The following DLEC1 variants were observed in gnomAD, a reference collection of about 807,000 sequenced individuals.
DLEC1 encodes the protein DLEC1 cilia and flagella associated protein.
Under a neutral mutation model 198.1 loss-of-function variants are expected in DLEC1, and 146 were observed. The observed-to-expected ratio is 0.74, with a 90% CI of 0.64 to 0.85. The LOEUF is 0.85. Among genes scored for constraint, DLEC1 ranks in the 40% least tolerant of loss-of-function variants. The probability of loss-of-function intolerance (pLI) is 0.00; values close to 1 mark genes in which losing one functional copy is unlikely to be tolerated. For missense variants in DLEC1, 2,233 were observed against 2,220.0 expected, an observed-to-expected ratio of 1.01 and a Z score of -0.12; for synonymous variants, 897 against 866.8, an observed-to-expected ratio of 1.03 and a Z score of -0.61.
chr3:38,104,787 C>A (rs1699485269), intron 19 of DLEC1, among the ~76,000 whole-genome samples: 1 of 152,066 alleles, frequency 6.6e-6, no homozygotes, highest in South Asian at 2.1e-4. Context: ...TTTTCTATTT[C>A]ATTTATCTCT....
intron 6 of DLEC1, among the ~76,000 whole-genome samples, chr3:38,080,604 T>C (rs1167653852): frequency 6.6e-6 from 1 of 152,090 alleles, no homozygotes; most frequent in South Asian, 2.1e-4. Context: ...GAGTTTGTAT[T>C]GGGGCCAAGC....
chr3:38,052,853 T>C (rs1701193811), intron 2 of DLEC1, among the ~76,000 whole-genome samples: 1 of 152,152 alleles, frequency 6.6e-6, no homozygotes, highest in East Asian at 1.9e-4. Flanking sequence ...GAGGCTGGAC[T>C]GTACTGCCGC....
At chr3:38,106,982 CAG>C (rs946492912) in intron 19 of DLEC1, among the ~76,000 whole-genome samples, 17 of 152,108 alleles carry the variant, frequency 1.1e-4, no homozygotes, top group African/African-American at 3.9e-4. Flanking sequence ...TTAGATCTAT[CAG>C]AGAGTTGAGG....
chr3:38,086,406 A>G (rs372521351), intron 9 of DLEC1, 29 bp downstream of exon 9: 1 of 1,582,246 alleles, frequency 6.3e-7, no homozygotes. Flanking sequence ...CTAACTGGAA[A>G]AATTACAAGT....
rs1373792791 is a variant in DLEC1 at position 38,123,019 on chromosome 3, G to T, written c.*607G>T. ...TGCTGCTAGAGCAGCAGGACTGTCT[G>T]CGTAGCGCCTCCAGCCTGGGACCTC... On this transcript the variant is annotated 3_prime_UTR_variant, in exon 37 of 37. Coordinates refer to ENST00000308059, the MANE Select transcript of DLEC1 (RefSeq NM_007335.4). The T allele has an allele frequency of 2.5e-6, 4 of 1,611,542 alleles. No individual in the cohort carries two copies. Among genetic ancestry groups the T allele is most frequent in the Non-Finnish European group, 3.4e-6 (4 of 1,178,144 alleles).
At chr3:38,055,866 G>GA (rs369571331) in intron 2 of DLEC1, among the ~76,000 whole-genome samples, 3,435 of 148,368 alleles carry the variant, frequency 0.023, 130 homozygotes, top group African/African-American at 0.079. Context: ...GCATCTTCAT[G>GA]GCTCTGGAGA....
chr3:38,096,043 C>A, intron 14 of DLEC1, 97 bp downstream of exon 14: 2 of 1,439,190 alleles, frequency 1.4e-6, no homozygotes, highest in Non-Finnish European at 1.9e-6. Flanking sequence ...GGGGAGTGGG[C>A]AGCCTGGTCC....
rs1219600046 is a variant in DLEC1, at chr3:38,115,920, C to T, written c.3857-533C>T. The stretch of plus-strand genomic sequence containing the variant: ...GGCAATCTGTTCAGCTGGGGGACTT[C>T]CCCCAGTGGTACTCAGAGGGACGGC... On this transcript the variant is annotated intron_variant, in intron 27 of 36. Coordinates refer to ENST00000308059, the MANE Select transcript of DLEC1 (RefSeq NM_007335.4). Among the ~76,000 whole-genome samples the T allele has an allele frequency of 3.9e-5, 6 of 152,134 alleles. No individual in the cohort carries two copies. The East Asian group carries it at 1.2e-3, about 29-fold the overall frequency.
chr3:38,073,604 A>C (rs1450797441), intron 6 of DLEC1, among the ~76,000 whole-genome samples: 1 of 152,194 alleles, frequency 6.6e-6, no homozygotes, highest in African/African-American at 2.4e-5. Context: ...TCAGGGAAGC[A>C]GATAATTTGG....
At chr3:38,092,959 G>A (rs1321499684) in intron 11 of DLEC1, 79 bp downstream of exon 11, 8 of 1,337,186 alleles carry the variant, frequency 6.0e-6, no homozygotes, top group Admixed American at 1.7e-5. Context: ...AGTAGCATTA[G>A]CGGCAGCCCA....
chr3:38,100,647 G>A (rs1272666907), intron 19 of DLEC1, among the ~76,000 whole-genome samples: 2 of 152,086 alleles, frequency 1.3e-5, no homozygotes, highest in African/African-American at 4.8e-5. Context: ...TATCTTTCTA[G>A]GGTGTGTGTA....
At chr3:38,064,619 G>A (rs1168104725) in intron 6 of DLEC1, among the ~76,000 whole-genome samples, 2 of 151,012 alleles carry the variant, frequency 1.3e-5, no homozygotes, top group Non-Finnish European at 3.0e-5. Flanking sequence ...CTCCCGGGAA[G>A]GGCGGCTAGC....
rs749735443 is a variant in DLEC1, at chr3:38,121,711, C to G, written c.4950C>G (p.Ser1650Arg). The change falls in exon 35 of 37, where the codon AGC (serine) becomes AGG (arginine). Residue 1650 changes from serine (S) to arginine (R), a missense_variant. Physicochemically the swap from Ser to Arg is moderately radical, Grantham distance 110. Coordinates refer to ENST00000308059, the MANE Select transcript of DLEC1 (RefSeq NM_007335.4). ...SWVDFGTCFV[S>R]QQRVREVYLM... ...TGGACTTTGGGACCTGCTTTGTGAG[C>G]CAGCAGCGAGTCCGGGAGGTCTACC... is the stretch of plus-strand genomic sequence containing the variant. 5.0e-6 allele frequency: 8 copies of G among 1,614,086 alleles called. No individual in the cohort carries two copies. The East Asian group carries it at 1.3e-4, about 27-fold the overall frequency.
intron 6 of DLEC1, among the ~76,000 whole-genome samples, chr3:38,069,236 T>A (rs1427667208): frequency 3.9e-5 from 6 of 151,948 alleles, no homozygotes; most frequent in South Asian, 2.1e-4. Context: ...GAAAACAATT[T>A]AAAAAAACCC....
chr3:38,057,607 T>C (rs1335617318), intron 2 of DLEC1, among the ~76,000 whole-genome samples: 1 of 152,218 alleles, frequency 6.6e-6, no homozygotes, highest in African/African-American at 2.4e-5. Flanking sequence ...TGACATGTTA[T>C]ATTTAAGGCA....
chr3:38,061,764 C>T (rs1200871285), intron 3 of DLEC1, among the ~76,000 whole-genome samples: 1 of 152,184 alleles, frequency 6.6e-6, no homozygotes, highest in Non-Finnish European at 1.5e-5. Flanking sequence ...ACCTCCTGTG[C>T]TGAAGTAATT....
Position 38,093,614 on chromosome 3 carries a change from A to C in DLEC1, c.1766A>C (p.Gln589Pro), listed in dbSNP as rs769791207. ...IKELVTIGIG[Q>P]LIALDLIYIS... ...TACTCTACTTTGGCAGGAATTGGGC[A>C]GCTGATTGCTTTGGATCTGATCTAT... Residue 589 changes from glutamine (Q) to proline (P), a missense_variant, in exon 12 of 37, where the codon CAG (glutamine) becomes CCG (proline). Gln to Pro is a moderately conservative substitution (Grantham distance 76). Transcript: ENST00000308059. 1.2e-6 allele frequency: 2 copies of C among 1,614,208 alleles called. No homozygotes were observed. The highest frequency in any genetic ancestry group is 1.1e-5 in the South Asian group (1 of 91,082).
chr3:38,121,135 G>A (rs1438973403), intron 34 of DLEC1, among the ~76,000 whole-genome samples: 24 of 152,202 alleles, frequency 1.6e-4, no homozygotes, highest in Admixed American at 1.6e-3. Context: ...CTGAGCAGTG[G>A]AGCCGAGGCG....
intron 2 of DLEC1, among the ~76,000 whole-genome samples, chr3:38,057,675 T>TA (rs1204474169): frequency 1.3e-5 from 2 of 152,194 alleles, no homozygotes; most frequent in Non-Finnish European, 2.9e-5. Flanking sequence ...TAAACGTGCA[T>TA]GGGGATGATA....
Sources: allele counts gnomAD v4.1 joint callset (sites outside exome capture counted in the v4.1 genomes callset), GRCh38; gene constraint gnomAD v4.1.1; transcripts MANE v1.5; gene names NCBI Gene and HGNC (gene_info 2026-07-23, HGNC 2026-07-21).